Variants in TMEM260 observed in about 807,000 individuals in gnomAD.
TMEM260 encodes protein O-mannosyl-transferase TMEM260.
Under a neutral mutation model 88.9 loss-of-function variants are expected in TMEM260, and 82 were observed. The observed-to-expected ratio is 0.92, with a 90% CI of 0.77 to 1.11. The LOEUF (loss-of-function observed/expected upper bound fraction) is 1.11, where lower values mean the gene tolerates loss of function less well. Ranked by LOEUF, TMEM260 falls within the 50% of genes least tolerant of loss-of-function variation. TMEM260 has a pLI of 0.00. For synonymous variants in TMEM260, 314 were observed against 309.3 expected, an observed-to-expected ratio of 1.02 and a Z score of -0.16; for missense variants, 902 against 853.4, an observed-to-expected ratio of 1.06 and a Z score of -0.71.
chr14:56,607,940 A>G (rs965940757), intron 5 of TMEM260, among the ~76,000 whole-genome samples: 1 of 152,208 alleles, frequency 6.6e-6, no homozygotes, highest in African/African-American at 2.4e-5. Flanking sequence ...GCAGCAACTC[A>G]TCTTACCATT....
downstream of TMEM260, among the ~76,000 whole-genome samples, chr14:56,653,743 A>AAAAAAAAAAAC (rs1555343579): frequency 7.5e-6 from 1 of 134,170 alleles, no homozygotes; most frequent in Non-Finnish European, 1.5e-5. Flanking sequence ...CTCCAAAACA[A>AAAAAAAAAAAC]AAAAAAAAAA....
intron 3 of TMEM260, among the ~76,000 whole-genome samples, chr14:56,588,307 C>G (rs1885638721): frequency 6.6e-6 from 1 of 151,932 alleles, no homozygotes; most frequent in Non-Finnish European, 1.5e-5. Context: ...GGTAATTGTT[C>G]ACATAGCATT....
rs762739055 is a variant in TMEM260 at position 56,609,149 on chromosome 14, C to T, written c.680C>T (p.Ser227Phe). 1.1e-5 allele frequency: 18 copies of T among 1,614,096 alleles called. No individual in the cohort carries two copies. The highest frequency in any genetic ancestry group is 1.5e-5 in the Non-Finnish European group (18 of 1,180,040). Reference sequence around the variant, plus strand: ...TTGTTGAAGTTGAGCCTGTACTTCTCTGCTGGTTTGCTGCCCTATGTCCAC... The same window carrying T: ...TTGTTGAAGTTGAGCCTGTACTTCTTTGCTGGTTTGCTGCCCTATGTCCAC... ...GSLLKLSLYF[S>F]AGLLPYVHLP... The change falls in exon 6 of 16, where the codon TCT (serine) becomes TTT (phenylalanine). Residue 227 changes from serine to phenylalanine, a missense_variant. Physicochemically the swap from Ser to Phe is radical, Grantham distance 155. Coordinates refer to ENST00000261556, the MANE Select transcript of TMEM260 (RefSeq NM_017799.4).
chr14:56,600,189 G>T (rs1426286258), intron 3 of TMEM260, among the ~76,000 whole-genome samples: 1 of 152,134 alleles, frequency 6.6e-6, no homozygotes, highest in African/African-American at 2.4e-5. Context: ...TGAATACTGG[G>T]CCCTCCAAAA....
chr14:56,614,219 T>TAAAAA (rs397852138), intron 7 of TMEM260, among the ~76,000 whole-genome samples: 1 of 111,550 alleles, frequency 9.0e-6, no homozygotes, highest in African/African-American at 3.7e-5. Context: ...TACAAAACAT[T>TAAAAA]AAAAAAAAAA....
chr14:56,611,677 C>T (rs546473153), intron 6 of TMEM260, among the ~76,000 whole-genome samples: 2 of 152,314 alleles, frequency 1.3e-5, no homozygotes, highest in South Asian at 2.1e-4. Flanking sequence ...ACCCAGCAAT[C>T]CCATTATTGG....
rs776128702 is a variant in TMEM260, at chr14:56,647,617, T to C, written c.*120T>C. On this transcript the variant is annotated 3_prime_UTR_variant, in exon 16 of 16. Coordinates refer to ENST00000261556, the MANE Select transcript of TMEM260 (RefSeq NM_017799.4). ...TTAAAACTAAGTCATCTCCCAGATA[T>C]AAGTATCATGGTCCAGCAGTACTGT... 5.3e-6 allele frequency: 6 copies of C among 1,135,656 alleles called. No individual in the cohort carries two copies. The highest frequency in any genetic ancestry group is 4.7e-5 in the African/African-American group (3 of 63,798). 70.3% of individuals were successfully genotyped at this position (1,135,656 alleles called of 1,614,324 possible).
chr14:56,634,578 C>T (rs1319640385), intron 13 of TMEM260, among the ~76,000 whole-genome samples: 2 of 152,116 alleles, frequency 1.3e-5, no homozygotes, highest in Non-Finnish European at 2.9e-5. Context: ...CATGGTGGTT[C>T]ACGCCTATAA....
chr14:56,601,216 A>G (rs1886552621), intron 3 of TMEM260, among the ~76,000 whole-genome samples: 1 of 152,204 alleles, frequency 6.6e-6, no homozygotes, highest in Admixed American at 6.5e-5. Flanking sequence ...TTTAATGTCA[A>G]CAGTTCAAAT....
At position 56,646,566 on chromosome 14, in the gene TMEM260, G is replaced by C. The variant is rs554669251; in HGVS notation, c.1870-677G>C. ...AATTTAACTCTATCCAATTAATACT[G>C]TCTCTGATGTTGAAAAATGAAATTC... On this transcript the variant is annotated intron_variant, in intron 15 of 15. Coordinates refer to ENST00000261556, the MANE Select transcript of TMEM260 (RefSeq NM_017799.4). Among the ~76,000 whole-genome samples the C allele has an allele frequency of 2.6e-5, 4 of 152,250 alleles. No homozygotes were observed. The South Asian group carries it at 8.3e-4, about 32-fold the overall frequency.
intron 13 of TMEM260, among the ~76,000 whole-genome samples, chr14:56,634,370 C>T (rs185723717): frequency 7.9e-5 from 12 of 152,298 alleles, no homozygotes; most frequent in African/African-American, 2.9e-4. Context: ...TCTGTTTGCT[C>T]TCTTGAGGCA....
chr14:56,596,723 A>G (rs896745218), intron 3 of TMEM260, among the ~76,000 whole-genome samples: 1 of 145,938 alleles, frequency 6.9e-6, no homozygotes, highest in African/African-American at 2.5e-5. Flanking sequence ...AGATCGTGCC[A>G]TTGCACTCCA....
chr14:56,627,611 A>G (rs1888318700), intron 12 of TMEM260, among the ~76,000 whole-genome samples: 2 of 152,194 alleles, frequency 1.3e-5, no homozygotes. Flanking sequence ...TAAAATTACT[A>G]ACTCAAAGGA....
At chr14:56,594,742 T>A (rs1886100288) in intron 3 of TMEM260, among the ~76,000 whole-genome samples, 1 of 152,224 alleles carries the variant, frequency 6.6e-6, no homozygotes. Flanking sequence ...AATGTCAGGT[T>A]GGACATTCCT....
downstream of TMEM260, among the ~76,000 whole-genome samples, chr14:56,651,024 T>G (rs1890196847): frequency 6.6e-6 from 1 of 152,218 alleles, no homozygotes. Flanking sequence ...GAGATTCACA[T>G]TTTGTTGTGA....
At chr14:56,629,063 T>G (rs1396087149) in intron 12 of TMEM260, among the ~76,000 whole-genome samples, 1 of 151,856 alleles carries the variant, frequency 6.6e-6, no homozygotes, top group Non-Finnish European at 1.5e-5. Flanking sequence ...GCCCAGCTAA[T>G]TTTTGTATTT....
At chr14:56,660,084 G>C in the TMEM260 span, among the ~76,000 whole-genome samples, 7 of 152,338 alleles carry the variant, frequency 4.6e-5, 1 homozygote, top group East Asian at 1.4e-3. Flanking sequence ...CAGATGCAGA[G>C]TGATGATGCC....
rs1364713627 is a variant in TMEM260 at position 56,642,349 on chromosome 14, GAA to G, written c.1870-4892_1870-4891del. 3.3e-5 allele frequency among the ~76,000 whole-genome samples: 5 copies of G among 152,254 alleles called. No homozygotes were observed. In the East Asian group the frequency reaches 7.7e-4, roughly 23 times the overall value. ...CAATCAAACTAGAACTCAGGATTAA[GAA>G]ACTCACTCAAAACCACTCAACTACA... On this transcript the variant is annotated intron_variant, in intron 15 of 15. Coordinates refer to ENST00000261556, the MANE Select transcript of TMEM260 (RefSeq NM_017799.4).
At chr14:56,644,079 G>GC (rs1384911490) in intron 15 of TMEM260, among the ~76,000 whole-genome samples, 1 of 152,112 alleles carries the variant, frequency 6.6e-6, no homozygotes, top group African/African-American at 2.4e-5. Flanking sequence ...TGGCCATACT[G>GC]CCCAAGGTAA....
Sources: allele counts gnomAD v4.1 joint callset (sites outside exome capture counted in the v4.1 genomes callset), GRCh38; gene constraint gnomAD v4.1.1; transcripts MANE v1.5; gene names NCBI Gene and HGNC (gene_info 2026-07-23, HGNC 2026-07-21).